The following RPS6KL1 variants were observed in gnomAD, a reference collection of about 807,000 sequenced individuals.
RPS6KL1 encodes ribosomal protein S6 kinase like 1.
A neutral mutation model predicts 57.0 loss-of-function variants in RPS6KL1; 41 were observed. The ratio of observed to expected loss-of-function variants is 0.72; its 90% CI spans 0.56 to 0.93. The LOEUF (loss-of-function observed/expected upper bound fraction) is 0.93, where lower values mean the gene tolerates loss of function less well. Ranked by LOEUF, RPS6KL1 falls within the 40% of genes least tolerant of loss-of-function variation. The probability of loss-of-function intolerance (pLI) is 0.00; values close to 1 mark genes in which losing one functional copy is unlikely to be tolerated. For synonymous variants in RPS6KL1, 287 were observed against 309.7 expected, an observed-to-expected ratio of 0.93 and a Z score of 0.77; for missense variants, 697 against 727.7, an observed-to-expected ratio of 0.96 and a Z score of 0.49.
intron 3 of RPS6KL1, among the ~76,000 whole-genome samples, chr14:74,920,287 T>A (rs1396416387): frequency 1.3e-5 from 2 of 152,190 alleles, no homozygotes; most frequent in African/African-American, 2.4e-5. Flanking sequence ...GATTTCCCCA[T>A]CCATTTTTTC....
chr14:74,914,265 GAA>G (rs1442928097), intron 5 of RPS6KL1, among the ~76,000 whole-genome samples: 1 of 152,252 alleles, frequency 6.6e-6, no homozygotes, highest in Non-Finnish European at 1.5e-5. Flanking sequence ...AAGCAAGGAA[GAA>G]AACTCTGGAG....
Position 74,906,744 on chromosome 14 carries a change from T to A in RPS6KL1, c.*270A>T, listed in dbSNP as rs1359420932. 2 of 625,732 alleles carry A rather than the reference T, an allele frequency of 3.2e-6. No homozygotes were observed. Among genetic ancestry groups the A allele is most frequent in the Admixed American group, 4.2e-5 (2 of 47,148 alleles). The allele number at this position is 625,732 out of a possible 1,614,324, so 38.8% of individuals were successfully genotyped here. A position where few individuals can be genotyped will look rare whatever the true frequency, so the allele number is the denominator to read the frequency against. ...CCTTTAACATGGTGAGTCCACATGCTCAACGGGTCTGTTGACTGATGGGTA... is the reference window on the plus strand; with the variant it reads ...CCTTTAACATGGTGAGTCCACATGCACAACGGGTCTGTTGACTGATGGGTA... On this transcript the variant is annotated 3_prime_UTR_variant, in exon 12 of 12. Transcript: ENST00000557413.
In RPS6KL1 at chr14:74,910,092, T is replaced by C. The variant is rs1352131945; in HGVS notation, c.721A>G (p.Ser241Gly). The C allele has an allele frequency of 6.3e-7, 1 of 1,594,522 alleles. No individual in the cohort carries two copies. ...SQAHSRHSGL[S>G]SGSTQERMKA... is the part of the protein sequence containing the mutation. ...ATCCTCTCCTGGGTAGAGCCAGAGC[T>C]GAGCCCAGAATGTCGGGAGTGCGCC... Residue 241 changes from serine (S) to glycine (G), a missense_variant, in exon 8 of 12, where the codon AGC (serine) becomes GGC (glycine). By Grantham distance (56) the Ser-to-Gly change is moderately conservative. Coordinates refer to ENST00000557413, the MANE Select transcript of RPS6KL1 (RefSeq NM_031464.5).
At chr14:74,907,844 T>C (rs1885183191) in intron 10 of RPS6KL1, among the ~76,000 whole-genome samples, 2 of 152,168 alleles carry the variant, frequency 1.3e-5, no homozygotes, top group South Asian at 2.1e-4. Context: ...GGAATAGTGA[T>C]GGAACTTGTC....
intron 7 of RPS6KL1, 174 bp from the exon 8 acceptor site, chr14:74,910,322 A>C: frequency 2.2e-5 from 13 of 600,170 alleles, no homozygotes; most frequent in Non-Finnish European, 2.6e-5. Flanking sequence ...TCAGCTTAGA[A>C]TGCCCTCTGC....
intron 7 of RPS6KL1, 88 bp downstream of exon 7, chr14:74,911,160 C>T (rs1464887675): frequency 7.4e-7 from 1 of 1,352,484 alleles, no homozygotes; most frequent in Non-Finnish European, 1.0e-6. Flanking sequence ...GCGTGAGCCA[C>T]CACGCCCTGC....
At chr14:74,918,090 T>TATA (rs1887154499) in intron 5 of RPS6KL1, among the ~76,000 whole-genome samples, 1 of 39,662 alleles carries the variant, frequency 2.5e-5, no homozygotes, top group East Asian at 7.3e-4. Context: ...GCCTCTTCTT[T>TATA]TTATATTTTA....
At chr14:74,914,968 C>T (rs1315401610) in intron 5 of RPS6KL1, among the ~76,000 whole-genome samples, 5 of 152,236 alleles carry the variant, frequency 3.3e-5, no homozygotes, top group Non-Finnish European at 7.3e-5. Context: ...CACCTTGGCT[C>T]CCCAAAGTGT....
rs1176465721 is a variant in RPS6KL1 at position 74,922,977 on chromosome 14, G to C, written c.-529+203C>G. ...AGGCTCTGAGGCCTTGCTCTGGGGG[G>C]TGCCCGGGTAGGACTGGCTTCAGGG... On this transcript the variant is annotated intron_variant, in intron 1 of 11. Transcript: ENST00000557413. Among the ~76,000 whole-genome samples, 2 of 152,184 alleles carry C rather than the reference G, an allele frequency of 1.3e-5. 1 individual carries two copies. Among genetic ancestry groups the C allele is most frequent in the South Asian group, 4.1e-4 (2 of 4,828 alleles).
Position 74,907,002 on chromosome 14 carries a change from C to T in RPS6KL1, c.*12G>A, listed in dbSNP as rs761355535. ...GACCAGGCCAGCTGCTTCCGTCACC[C>T]GCTCTGCCCTCTTACCCCACCAGCT... On this transcript the variant is annotated 3_prime_UTR_variant, in exon 12 of 12. Transcript: ENST00000557413. 35 of 1,589,336 alleles carry T rather than the reference C, an allele frequency of 2.2e-5. No homozygotes were observed. Among genetic ancestry groups the T allele is most frequent in the Middle Eastern group, 1.7e-4 (1 of 6,010 alleles).
chr14:74,922,780 A>C (rs968052913), intron 1 of RPS6KL1, among the ~76,000 whole-genome samples: 5 of 152,222 alleles, frequency 3.3e-5, no homozygotes, highest in African/African-American at 1.2e-4. Context: ...CAGGACCCGG[A>C]ACTTCCAACC....
intron 1 of RPS6KL1, among the ~76,000 whole-genome samples, chr14:74,922,750 C>T (rs886866155): frequency 6.6e-6 from 1 of 152,250 alleles, no homozygotes; most frequent in East Asian, 1.9e-4. Context: ...TTTGCTCTCC[C>T]AGGTCCCACT....
At chr14:74,916,265 T>G (rs1886826555) in intron 5 of RPS6KL1, among the ~76,000 whole-genome samples, 1 of 151,930 alleles carries the variant, frequency 6.6e-6, no homozygotes, top group Non-Finnish European at 1.5e-5. Flanking sequence ...CTTTCCTAAT[T>G]TGAGGAAAGT....
chr14:74,908,699 G>C (rs762906785), intron 10 of RPS6KL1, 151 bp downstream of exon 10: 2 of 697,598 alleles, frequency 2.9e-6, no homozygotes, highest in Non-Finnish European at 5.2e-6. Flanking sequence ...CTAATGTGTT[G>C]GGAGTGCTAA....
At chr14:74,909,414 C>T (rs1246654722) in intron 8 of RPS6KL1, 129 bp downstream of exon 8, 3 of 1,269,694 alleles carry the variant, frequency 2.4e-6, no homozygotes, top group African/African-American at 1.5e-5. Flanking sequence ...CAGCCTAGGC[C>T]CCCTGAAAGG....
Position 74,906,642 on chromosome 14 carries a change from CAGTG to C in RPS6KL1, c.*368_*371del, listed in dbSNP as rs1394207919. 10 of 534,812 alleles carry C rather than the reference CAGTG, an allele frequency of 1.9e-5. No homozygotes were observed. The highest frequency in any genetic ancestry group is 3.1e-4 in the Middle Eastern group (1 of 3,208). 33.1% of individuals were successfully genotyped at this position (534,812 alleles called of 1,614,324 possible). On this transcript the variant is annotated 3_prime_UTR_variant, in exon 12 of 12. Coordinates refer to ENST00000557413, the MANE Select transcript of RPS6KL1 (RefSeq NM_031464.5). ...ATGTCCTGAGTGGGGCACAACATGG[CAGTG>C]AGTGAGTCACAGAACCTCACAGTAG...
intron 5 of RPS6KL1, among the ~76,000 whole-genome samples, chr14:74,915,482 C>T (rs572626160): frequency 6.6e-6 from 1 of 152,320 alleles, no homozygotes; most frequent in Non-Finnish European, 1.5e-5. Flanking sequence ...TGGTGAAACA[C>T]GGTAAACCTT....
chr14:74,906,543 AG>A lies in RPS6KL1; in HGVS notation c.*470del. The A allele has an allele frequency of 1.9e-6, 1 of 523,486 alleles. No homozygotes were observed. The highest frequency in any genetic ancestry group is 3.9e-6 in the Non-Finnish European group (1 of 255,084). 32.4% of individuals were successfully genotyped at this position (523,486 alleles called of 1,614,324 possible). A position where few individuals can be genotyped will look rare whatever the true frequency, so the allele number is the denominator to read the frequency against. On this transcript the variant is annotated 3_prime_UTR_variant, in exon 12 of 12. Transcript: ENST00000557413. ...AAGAGGCCTACTCGCTGTGTGACTA[AG>A]AGGACTAGCCAGGACAGTCTGGTTT... is the stretch of plus-strand genomic sequence containing the variant.
Position 74,919,922 on chromosome 14 carries a change from T to C in RPS6KL1, c.313A>G (p.Lys105Glu). ...ATCTCCTCTGCCCGCCGCAGGTATT[T>C]GGTAATTTTCAGCTTCACAGCCTCA... ...RREAVKLKITKYLRRAEEIFN... is the reference protein window; with the variant it reads ...RREAVKLKITEYLRRAEEIFN... Residue 105 changes from lysine (K) to glutamate (E), a missense_variant, in exon 4 of 12, where the codon AAA becomes GAA. Physicochemically the swap from Lys to Glu is moderately conservative, Grantham distance 56 (BLOSUM62 1). Transcript: ENST00000557413. The C allele has an allele frequency of 4.3e-6, 7 of 1,614,032 alleles. No homozygotes were observed. Among genetic ancestry groups the C allele is most frequent in the Non-Finnish European group, 5.9e-6 (7 of 1,179,978 alleles).
Sources: gnomAD v4.1 joint callset for allele counts (sites outside exome capture counted in the v4.1 genomes callset) on GRCh38, gnomAD v4.1.1 for gene constraint, MANE v1.5 for transcripts, NCBI Gene and HGNC (gene_info 2026-07-23, HGNC 2026-07-21) for gene names.